The following ISLR2 variants were observed in gnomAD, a reference collection of about 807,000 sequenced individuals.
ISLR2 encodes immunoglobulin superfamily containing leucine rich repeat 2.
ISLR2 carries 16 observed loss-of-function variants against 25.5 expected under a neutral mutation model. The observed-to-expected ratio is 0.63, with a 90% CI of 0.43 to 0.95. ISLR2 has a LOEUF of 0.95. Ranked by LOEUF, ISLR2 falls within the 40% of genes least tolerant of loss-of-function variation. The pLI, the probability that ISLR2 is intolerant of heterozygous loss-of-function variation, is 0.00. For missense variants in ISLR2, 883 were observed against 1,030.7 expected, an observed-to-expected ratio of 0.86 and a Z score of 1.96; for synonymous variants, 508 against 486.6, an observed-to-expected ratio of 1.04 and a Z score of -0.58.
intron 2 of ISLR2, among the ~76,000 whole-genome samples, chr15:74,110,335 A>G (rs1195937544): frequency 1.3e-5 from 2 of 152,234 alleles, no homozygotes; most frequent in Admixed American, 1.3e-4. Flanking sequence ...ATACACCTCA[A>G]TATATGACCT....
In ISLR2 at chr15:74,136,375, G is replaced by T; in HGVS notation, c.*1383G>T. On this transcript the variant is annotated 3_prime_UTR_variant, in exon 3 of 3. Transcript: ENST00000453268. ...AGCCTGCTCGTGACTGTGCGACTGT[G>T]CGACGGGATCCGGATGGAGCCGAGC... 1 of 165,098 alleles carries T rather than the reference G, an allele frequency of 6.1e-6. No individual in the cohort carries two copies. The allele number at this position is 165,098 out of a possible 1,614,324, so 10.2% of individuals were successfully genotyped here.
upstream of ISLR2, chr15:74,126,893 CATTTGTGT>C (rs2072303419): frequency 7.9e-6 from 1 of 125,850 alleles, no homozygotes; most frequent in African/African-American, 3.1e-5. Flanking sequence ...CTGGAGAGAA[CATTTGTGT>C]GTGTGTGTGT....
At chr15:74,110,168 A>G (rs1042250725) in intron 2 of ISLR2, among the ~76,000 whole-genome samples, 2 of 152,254 alleles carry the variant, frequency 1.3e-5, no homozygotes, top group Admixed American at 1.3e-4. Flanking sequence ...ACCACGTAAG[A>G]TATCACTACA....
chr15:74,115,685 A>T (rs943228979), intron 2 of ISLR2, among the ~76,000 whole-genome samples: 1 of 151,448 alleles, frequency 6.6e-6, no homozygotes, highest in Non-Finnish European at 1.5e-5. Context: ...ACAGAGTAAG[A>T]CCCTGTCTCA....
chr15:74,134,243 G>C lies in ISLR2; in HGVS notation c.1489G>C (p.Glu497Gln). The part of the protein sequence containing the change: ...GVIALDVAER[E>Q]ARVQLTPLAA... The stretch of plus-strand genomic sequence containing the variant: ...CATCGCGCTGGATGTGGCGGAGCGC[G>C]AGGCGCGGGTGCAGCTGACTCCGCT... Residue 497 changes from glutamate (E) to glutamine (Q), a missense_variant, in exon 3 of 3, where the codon GAG becomes CAG. Around this residue, in one of 2 missense-constraint regions of ISLR2, gnomAD observed 612 missense variants for 642.8 expected, o/e 0.95. Coordinates refer to ENST00000453268, the MANE Select transcript of ISLR2 (RefSeq NM_020851.3). 1.3e-6 allele frequency: 2 copies of C among 1,587,286 alleles called. No homozygotes were observed. Among genetic ancestry groups the C allele is most frequent in the Admixed American group, 1.8e-5 (1 of 56,256 alleles).
chr15:74,111,963 T>TA (rs532287831), intron 2 of ISLR2, among the ~76,000 whole-genome samples: 20 of 152,174 alleles, frequency 1.3e-4, no homozygotes, highest in Non-Finnish European at 2.8e-4. Flanking sequence ...GTGACATTGT[T>TA]AGATATTGTT....
intron 2 of ISLR2, among the ~76,000 whole-genome samples, chr15:74,114,234 C>T (rs1244630561): frequency 1.3e-5 from 2 of 152,182 alleles, no homozygotes; most frequent in African/African-American, 4.8e-5. Context: ...TGTACTTTGT[C>T]CAGCTTTGTA....
At chr15:74,119,717 T>A (rs186910682) in intron 2 of ISLR2, among the ~76,000 whole-genome samples, 1 of 152,210 alleles carries the variant, frequency 6.6e-6, no homozygotes, top group Admixed American at 6.5e-5. Flanking sequence ...ACTGGAAATA[T>A]ACACAATTTT....
intron 2 of ISLR2, among the ~76,000 whole-genome samples, chr15:74,117,322 G>C (rs1237838503): frequency 6.6e-6 from 1 of 152,128 alleles, no homozygotes; most frequent in Non-Finnish European, 1.5e-5. Flanking sequence ...CTGAAAACTG[G>C]GTAGGAAATT....
upstream of ISLR2, among the ~76,000 whole-genome samples, chr15:74,125,284 C>T (rs2072285997): frequency 6.6e-6 from 1 of 152,152 alleles, no homozygotes; most frequent in African/African-American, 2.4e-5. Flanking sequence ...GTTGCCCAGG[C>T]TGGAGTGCAG....
At chr15:74,128,724 C>T (rs767824398), upstream of ISLR2, 6 of 451,122 alleles carry the variant, frequency 1.3e-5, no homozygotes, top group Non-Finnish European at 2.2e-5. Context: ...GAAAAGTCCC[C>T]TGGACACGCC....
Position 74,132,419 on chromosome 15 carries a change from A to G in ISLR2, c.-8-328A>G, listed in dbSNP as rs1283085786. Among the ~76,000 whole-genome samples the G allele has an allele frequency of 1.3e-5, 2 of 152,182 alleles. No individual in the cohort carries two copies. Among genetic ancestry groups the G allele is most frequent in the African/African-American group, 2.4e-5 (1 of 41,444 alleles). On this transcript the variant is annotated intron_variant, in intron 2 of 2. Coordinates refer to ENST00000453268, the MANE Select transcript of ISLR2 (RefSeq NM_020851.3). The surrounding 1 kb of genome is among the most constrained non-coding windows in gnomAD (Gnocchi z 4.3). ...GTTAAACGAAGGCTTAGAAACACAGAGAGGGGTACGTGAGGAGCCCGCTGG... is the reference window on the plus strand; with the variant it reads ...GTTAAACGAAGGCTTAGAAACACAGGGAGGGGTACGTGAGGAGCCCGCTGG...
chr15:74,119,046 C>T (rs1163928227), intron 2 of ISLR2, among the ~76,000 whole-genome samples: 2 of 152,076 alleles, frequency 1.3e-5, no homozygotes, highest in African/African-American at 4.8e-5. Flanking sequence ...GTGTAATGAT[C>T]AAATCATAAT....
At chr15:74,107,145 G>T (rs536291902) in intron 2 of ISLR2, among the ~76,000 whole-genome samples, 1 of 152,268 alleles carries the variant, frequency 6.6e-6, no homozygotes. Flanking sequence ...GAATCCAAAG[G>T]CATCCAGGGT....
upstream of ISLR2, chr15:74,127,680 C>G (rs1042796837): frequency 6.6e-6 from 1 of 152,550 alleles, no homozygotes; most frequent in Admixed American, 6.5e-5. Flanking sequence ...TGACCCGCCT[C>G]TGCGCCCGGC....
Position 74,135,321 on chromosome 15 carries a change from A to C in ISLR2, c.*329A>C, listed in dbSNP as rs1020624150. ...CCCGTCGCGATTATCTGCGAAATCC[A>C]CCCCGCAGCCCGCCCCACCGTGGGC... On this transcript the variant is annotated 3_prime_UTR_variant, in exon 3 of 3. Transcript: ENST00000453268. 5 of 277,046 alleles carry C rather than the reference A, an allele frequency of 1.8e-5. No homozygotes were observed. The highest frequency in any genetic ancestry group is 7.4e-5 in the South Asian group (1 of 13,470). The allele number at this position is 277,046 out of a possible 1,614,324, so 17.2% of individuals were successfully genotyped here. A position where few individuals can be genotyped will look rare whatever the true frequency, so the allele number is the denominator to read the frequency against.
intron 2 of ISLR2, among the ~76,000 whole-genome samples, chr15:74,104,169 G>T (rs916181207): frequency 7.2e-5 from 11 of 152,222 alleles, no homozygotes; most frequent in African/African-American, 2.7e-4. Flanking sequence ...TTTTAGGTCA[G>T]CAGTTCTCAA....
rs771655391 is a variant in ISLR2 at position 74,133,361 on chromosome 15, T to G, written c.607T>G (p.Leu203Val). The change falls in exon 3 of 3, where the codon TTA becomes GTA. Residue 203 changes from leucine (L) to valine (V), a missense_variant. By Grantham distance (32) the Leu-to-Val change is conservative. This residue lies in a region of ISLR2 where 271 missense variants were observed against 387.9 expected (regional missense o/e 0.70). Coordinates refer to ENST00000453268, the MANE Select transcript of ISLR2 (RefSeq NM_020851.3). The stretch of plus-strand genomic sequence containing the variant: ...CTGGGCCGCGAGCACCCGGGTGTCC[T>G]TACCCGAGCCCGACTCCATTGCTTG... ...QAWAASTRVS[L>V]PEPDSIACAS... The G allele has an allele frequency of 6.2e-7, 1 of 1,608,240 alleles. No individual in the cohort carries two copies. Among genetic ancestry groups the G allele is most frequent in the Non-Finnish European group, 8.5e-7 (1 of 1,179,816 alleles).
At chr15:74,117,221 T>C (rs2141934188) in intron 2 of ISLR2, among the ~76,000 whole-genome samples, 1 of 152,322 alleles carries the variant, frequency 6.6e-6, no homozygotes, top group South Asian at 2.1e-4. Context: ...TAATAATTAA[T>C]GAATATCATG....
Sources: gnomAD v4.1 joint callset for allele counts (sites outside exome capture counted in the v4.1 genomes callset) on GRCh38, gnomAD v4.1.1 for gene constraint, gnomAD v4.1.1 regional missense constraint, Gnocchi (gnomAD v3.1) non-coding constraint, MANE v1.5 for transcripts, NCBI Gene and HGNC (gene_info 2026-07-23, HGNC 2026-07-21) for gene names.